ADGRB3: variants seen among roughly 807,000 people sequenced by gnomAD.
ADGRB3 encodes brain-specific angiogenesis inhibitor 3.
A neutral mutation model predicts 193.4 loss-of-function variants in ADGRB3; 37 were observed. The ratio of observed to expected loss-of-function variants is 0.19; its 90% CI spans 0.15 to 0.25. The LOEUF (loss-of-function observed/expected upper bound fraction) is 0.25, where lower values mean the gene tolerates loss of function less well. ADGRB3 is among the 10% of genes least tolerant of loss of function. The pLI, the probability that ADGRB3 is intolerant of heterozygous loss-of-function variation, is 1.00. For synonymous variants in ADGRB3, 690 were observed against 644.2 expected (o/e 1.07, Z -1.08); for missense variants, 1,637 against 1,852.9 (o/e 0.88, Z 2.14).
intron 26 of ADGRB3, among the ~76,000 whole-genome samples, chr6:69,345,288 T>A (rs1246914309): frequency 6.6e-6 from 1 of 152,134 alleles, no homozygotes; most frequent in Non-Finnish European, 1.5e-5. Context: ...TCTAGCATTT[T>A]GAGCTTGCTC....
At chr6:68,833,755 C>G (rs1049733898) in intron 3 of ADGRB3, among the ~76,000 whole-genome samples, 1 of 151,868 alleles carries the variant, frequency 6.6e-6, no homozygotes, top group African/African-American at 2.4e-5. Flanking sequence ...AAGGGCAATT[C>G]ATAACTTACA....
chr6:68,996,229 C>T (rs906083520), intron 11 of ADGRB3, among the ~76,000 whole-genome samples: 1 of 152,082 alleles, frequency 6.6e-6, no homozygotes, highest in African/African-American at 2.4e-5. Context: ...CTACTTAATG[C>T]CTCTTTCATC....
At chr6:69,324,751 TGAG>T (rs1365986792) in intron 20 of ADGRB3, 118 bp from the exon 21 acceptor site, 1 of 1,104,924 alleles carries the variant, frequency 9.1e-7, no homozygotes, top group African/African-American at 1.6e-5. Context: ...CTCTTGTCAC[TGAG>T]GAGAAGTAGA....
chr6:69,379,839 A>G (rs563046492), intron 30 of ADGRB3, among the ~76,000 whole-genome samples: 2 of 152,120 alleles, frequency 1.3e-5, no homozygotes, highest in African/African-American at 4.8e-5. Flanking sequence ...ATTTGCAATT[A>G]ATGTTTCTAG....
intron 20 of ADGRB3, among the ~76,000 whole-genome samples, chr6:69,248,547 T>C (rs1259718647): frequency 6.6e-6 from 1 of 152,256 alleles, no homozygotes; most frequent in East Asian, 1.9e-4. Context: ...AGAGAACTCC[T>C]TTGACAAATG....
rs543692850 is a variant in ADGRB3, at chr6:69,268,949, A to G, written c.2814+29723A>G. Among the ~76,000 whole-genome samples the G allele has an allele frequency of 1.6e-3, 239 of 152,202 alleles. 3 individuals carry two copies. The highest frequency in any genetic ancestry group is 5.3e-3 in the African/African-American group (222 of 41,548). Reference sequence around the variant, plus strand: ...CAAATGTTTCACAAGTGCACTTTGGACTACTGCTACTGCTACTTCTACTCT... The same window carrying G: ...CAAATGTTTCACAAGTGCACTTTGGGCTACTGCTACTGCTACTTCTACTCT... On this transcript the variant is annotated intron_variant, in intron 20 of 31. Coordinates refer to ENST00000370598, the MANE Select transcript of ADGRB3 (RefSeq NM_001704.3).
rs542333676 is a variant in ADGRB3, at chr6:68,774,624, T to C, written c.757+135192T>C. On this transcript the variant is annotated intron_variant, in intron 3 of 31. Transcript: ENST00000370598. ...CCTTTTTATATTTATTGCTTTTTTCTTTCTTTTTTCTTTATTTAGTGATCT... is the reference window on the plus strand; with the variant it reads ...CCTTTTTATATTTATTGCTTTTTTCCTTCTTTTTTCTTTATTTAGTGATCT... Among the ~76,000 whole-genome samples, 16 of 149,936 alleles carry C rather than the reference T, an allele frequency of 1.1e-4. No individual in the cohort carries two copies. In the East Asian group the frequency reaches 3.1e-3, roughly 29 times the overall value.
chr6:69,195,045 T>C (rs1765268081), intron 17 of ADGRB3, among the ~76,000 whole-genome samples: 1 of 152,192 alleles, frequency 6.6e-6, no homozygotes, highest in Non-Finnish European at 1.5e-5. Context: ...TTGCTATTTA[T>C]GTCCAGTGGT....
intron 13 of ADGRB3, among the ~76,000 whole-genome samples, chr6:69,021,195 A>G (rs555990480): frequency 7.2e-5 from 11 of 152,022 alleles, no homozygotes; most frequent in African/African-American, 1.2e-4. Flanking sequence ...CCTTATGGCC[A>G]TTTTCTTTAG....
chr6:68,904,111 A>T (rs12213244), intron 3 of ADGRB3, among the ~76,000 whole-genome samples: 1 of 83,140 alleles, frequency 1.2e-5, no homozygotes, highest in Admixed American at 1.2e-4. Flanking sequence ...GGAAGGAAGG[A>T]AGGGAGGGAG....
At chr6:68,766,046 C>T (rs941931124) in intron 3 of ADGRB3, among the ~76,000 whole-genome samples, 3 of 151,816 alleles carry the variant, frequency 2.0e-5, no homozygotes, top group African/African-American at 4.8e-5. Flanking sequence ...TCGTATCATG[C>T]GTGGATGTAT....
At chr6:69,133,578 A>G (rs1763084790) in intron 17 of ADGRB3, among the ~76,000 whole-genome samples, 1 of 152,100 alleles carries the variant, frequency 6.6e-6, no homozygotes, top group African/African-American at 2.4e-5. Context: ...AAACTATTCC[A>G]AACAATAGAA....
chr6:68,887,900 A>C (rs62416405), intron 3 of ADGRB3, among the ~76,000 whole-genome samples: 14,224 of 152,184 alleles, frequency 0.093, 879 homozygotes, highest in Non-Finnish European at 0.13. Flanking sequence ...CAAGTTCGTT[A>C]TGAACAATCA....
At chr6:68,683,112 T>C (rs970900799) in intron 3 of ADGRB3, among the ~76,000 whole-genome samples, 1 of 152,088 alleles carries the variant, frequency 6.6e-6, no homozygotes, top group Non-Finnish European at 1.5e-5. Flanking sequence ...AAAAAATAAA[T>C]AAATATTTTT....
intron 3 of ADGRB3, among the ~76,000 whole-genome samples, chr6:68,760,569 C>T (rs929913437): frequency 3.9e-5 from 6 of 152,288 alleles, no homozygotes; most frequent in African/African-American, 1.2e-4. Flanking sequence ...GGCAAAAACT[C>T]AGGTTCAACT....
At chr6:68,927,781 A>G (rs558513881) in intron 3 of ADGRB3, among the ~76,000 whole-genome samples, 2 of 152,272 alleles carry the variant, frequency 1.3e-5, no homozygotes, top group Admixed American at 6.5e-5. Context: ...AATTTTTAAT[A>G]TCTTCTCTCT....
intron 8 of ADGRB3, among the ~76,000 whole-genome samples, chr6:68,959,586 T>C (rs760128457): frequency 6.6e-6 from 1 of 152,106 alleles, no homozygotes; most frequent in Non-Finnish European, 1.5e-5. Flanking sequence ...ATTAATCATC[T>C]GGATCTAATC....
intron 4 of ADGRB3, among the ~76,000 whole-genome samples, chr6:68,936,140 C>T (rs776601513): frequency 1.3e-5 from 2 of 152,086 alleles, no homozygotes; most frequent in Non-Finnish European, 2.9e-5. Flanking sequence ...CCGCCAAAGC[C>T]ATAGAGTAAG....
chr6:69,008,271 G>A (rs1769831106), intron 11 of ADGRB3, among the ~76,000 whole-genome samples: 1 of 152,054 alleles, frequency 6.6e-6, no homozygotes, highest in Non-Finnish European at 1.5e-5. Flanking sequence ...ACCCTCATAT[G>A]TCTTGTTCAC....
Sources: gnomAD v4.1 joint callset for allele counts (sites outside exome capture counted in the v4.1 genomes callset) on GRCh38, gnomAD v4.1.1 for gene constraint, MANE v1.5 for transcripts, NCBI Gene and HGNC (gene_info 2026-07-23, HGNC 2026-07-21) for gene names.